The following HSPA14 variants were observed in gnomAD, a reference collection of about 807,000 sequenced individuals.
HSPA14 encodes the protein heat shock 70 kDa protein 14.
HSPA14 carries 37 observed loss-of-function variants against 65.5 expected under a neutral mutation model. The ratio of observed to expected loss-of-function variants is 0.56; its 90% CI spans 0.43 to 0.74. HSPA14 has a LOEUF of 0.74. HSPA14 is among the 30% of genes least tolerant of loss of function. HSPA14 has a pLI of 0.00. For missense variants in HSPA14, 564 were observed against 607.6 expected, an observed-to-expected ratio of 0.93 and a Z score of 0.75; for synonymous variants, 203 against 214.2, an observed-to-expected ratio of 0.95 and a Z score of 0.46.
Position 14,842,789 on chromosome 10 carries a change from G to T in HSPA14, c.221+2632G>T. The T allele has an allele frequency of 6.5e-7, 1 of 1,536,348 alleles. No homozygotes were observed. The highest frequency in any genetic ancestry group is 1.2e-5 in the South Asian group (1 of 84,026). ...TGAGGATTGTCAGCTAAGAATCAGTGACCGGATACGAGAAACCAGTGACCT... is the reference window on the plus strand; with the variant it reads ...TGAGGATTGTCAGCTAAGAATCAGTTACCGGATACGAGAAACCAGTGACCT... On this transcript the variant is annotated intron_variant, in intron 3 of 13. Transcript: ENST00000378372. This position sits in a 1 kb window ranked among gnomAD's most constrained non-coding sequence, Gnocchi z 5.2.
chr10:14,842,730 A>G lies in HSPA14; in HGVS notation c.221+2573A>G. The G allele has an allele frequency of 6.5e-7, 1 of 1,536,590 alleles. No individual in the cohort carries two copies. On this transcript the variant is annotated intron_variant, in intron 3 of 13. Transcript: ENST00000378372. This position sits in a 1 kb window ranked among gnomAD's most constrained non-coding sequence, Gnocchi z 5.2. ...TCAAAAAGGACTCAGGCAGCTGATC[A>G]TCAGCCTATCTTGAAAACAGTTAAG...
At chr10:14,857,943 T>C (rs937784866) in intron 10 of HSPA14, among the ~76,000 whole-genome samples, 2 of 151,972 alleles carry the variant, frequency 1.3e-5, no homozygotes, top group African/African-American at 4.8e-5. Context: ...GGCATTTTGC[T>C]AGGTGTTTGA....
intron 8 of HSPA14, among the ~76,000 whole-genome samples, chr10:14,853,761 C>T (rs1834124960): frequency 6.6e-6 from 1 of 151,966 alleles, no homozygotes; most frequent in South Asian, 2.1e-4. Flanking sequence ...CTCTTGTCGC[C>T]CAGGTTGGAG....
Position 14,842,840 on chromosome 10 carries a change from G to A in HSPA14, c.221+2683G>A. ...TGAGGACTCCTGGGATGAATCCTCG[G>A]GTGCAGGTAACTCCCAAGCATGTGA... On this transcript the variant is annotated intron_variant, in intron 3 of 13. Transcript: ENST00000378372. This position sits in a 1 kb window ranked among gnomAD's most constrained non-coding sequence, Gnocchi z 5.2. 2 of 1,529,188 alleles carry A rather than the reference G, an allele frequency of 1.3e-6. No individual in the cohort carries two copies. Among genetic ancestry groups the A allele is most frequent in the Non-Finnish European group, 1.7e-6 (2 of 1,142,928 alleles). 94.7% of individuals were successfully genotyped at this position (1,529,188 alleles called of 1,614,324 possible). A position where few individuals can be genotyped will look rare whatever the true frequency, so the allele number is the denominator to read the frequency against.
At chr10:14,863,760 G>C (rs1832777389) in intron 10 of HSPA14, among the ~76,000 whole-genome samples, 1 of 152,118 alleles carries the variant, frequency 6.6e-6, no homozygotes, top group Admixed American at 6.5e-5. Context: ...TGCACTCAAA[G>C]AAATAGGGAG....
At chr10:14,854,411 T>C (rs956765986) in intron 9 of HSPA14, 131 bp downstream of exon 9, 7 of 698,114 alleles carry the variant, frequency 1.0e-5, no homozygotes, top group South Asian at 8.1e-5. Context: ...CTTCACTTTA[T>C]TGGGGTCCAG....
At position 14,840,137 on chromosome 10, in the gene HSPA14, A is replaced by T. The variant is rs1833954722; in HGVS notation, c.201A>T (p.Val67=). The change falls in exon 3 of 14, where the codon GTA becomes GTT. Residue 67 remains valine (V), a synonymous_variant. Coordinates refer to ENST00000378372, the MANE Select transcript of HSPA14 (RefSeq NM_016299.4). The part of the protein sequence containing the change: ...IRNISNTVMK[V]KQILGRSSSD... ...ATATTTCAAATACAGTAATGAAAGT[A>T]AAGCAGATCCTGGGCAGAAGGTATG... 8 of 1,469,170 alleles carry T rather than the reference A, an allele frequency of 5.4e-6. No homozygotes were observed. The highest frequency in any genetic ancestry group is 6.4e-6 in the Non-Finnish European group (7 of 1,096,364). The allele number at this position is 1,469,170 out of a possible 1,614,324, so 91.0% of individuals were successfully genotyped here. A position where few individuals can be genotyped will look rare whatever the true frequency, so the allele number is the denominator to read the frequency against.
intron 3 of HSPA14, chr10:14,844,388 T>C (rs1834017870): frequency 1.0e-6 from 1 of 996,792 alleles, no homozygotes; most frequent in Non-Finnish European, 1.2e-6. Context: ...GGATATATAC[T>C]GTGACTTCAT....
intron 3 of HSPA14, among the ~76,000 whole-genome samples, chr10:14,847,614 A>T (rs1056555912): frequency 2.6e-5 from 4 of 152,288 alleles, no homozygotes; most frequent in Admixed American, 2.6e-4. Context: ...TTCTAAGCCA[A>T]ATTAGTCCAT....
In HSPA14 at chr10:14,851,797, G is replaced by A. The variant is rs193152155; in HGVS notation, c.572+474G>A. Among the ~76,000 whole-genome samples, 82 of 152,230 alleles carry A rather than the reference G, an allele frequency of 5.4e-4. 1 individual carries two copies. The highest frequency in any genetic ancestry group is 1.9e-3 in the African/African-American group (79 of 41,548). On this transcript the variant is annotated intron_variant, in intron 7 of 13. Coordinates refer to ENST00000378372, the MANE Select transcript of HSPA14 (RefSeq NM_016299.4). Reference sequence around the variant, plus strand: ...ATATGTCTTAATAGAATGGATAGTCGTTCAACTTTAGAGAAGTTAATTCAG... The same window carrying A: ...ATATGTCTTAATAGAATGGATAGTCATTCAACTTTAGAGAAGTTAATTCAG...
chr10:14,856,962 T>C (rs2131643190), intron 10 of HSPA14, among the ~76,000 whole-genome samples: 1 of 152,318 alleles, frequency 6.6e-6, no homozygotes, highest in South Asian at 2.1e-4. Context: ...GCAGCTGTAT[T>C]TCTAACTTGT....
intron 10 of HSPA14, among the ~76,000 whole-genome samples, chr10:14,858,607 G>A (rs547073599): frequency 2.0e-5 from 3 of 152,270 alleles, no homozygotes; most frequent in African/African-American, 7.2e-5. Flanking sequence ...GATTAGATAG[G>A]TGCATGTCAG....
At position 14,855,684 on chromosome 10, in the gene HSPA14, T is replaced by A. The variant is rs11818612; in HGVS notation, c.891-157T>A. 0.013 allele frequency among the ~76,000 whole-genome samples: 2,047 copies of A among 152,176 alleles called. 56 individuals are homozygous for A. Among genetic ancestry groups the A allele is most frequent in the African/African-American group, 0.047 (1,933 of 41,448 alleles). ...ACTCTTACTTAATACCTTATTCTTATGGTAAACCTGTCATTCAGAGAACTA... is the reference window on the plus strand; with the variant it reads ...ACTCTTACTTAATACCTTATTCTTAAGGTAAACCTGTCATTCAGAGAACTA... On this transcript the variant is annotated intron_variant, in intron 9 of 13. Transcript: ENST00000378372.
At chr10:14,861,483 G>A (rs778195287) in intron 10 of HSPA14, among the ~76,000 whole-genome samples, 3 of 152,014 alleles carry the variant, frequency 2.0e-5, no homozygotes, top group Non-Finnish European at 4.4e-5. Context: ...GTGCCTTTTT[G>A]TATTTTTTGT....
intron 10 of HSPA14, among the ~76,000 whole-genome samples, chr10:14,857,860 T>C (rs1832719258): frequency 6.6e-6 from 1 of 152,206 alleles, no homozygotes; most frequent in African/African-American, 2.4e-5. Context: ...TGCTATGTTG[T>C]GACAAATTTT....
Position 14,871,706 on chromosome 10 carries a change from TAAAC to T in HSPA14, c.*101_*104del, listed in dbSNP as rs1832856148. 1 of 592,000 alleles carries T rather than the reference TAAAC, an allele frequency of 1.7e-6. No individual in the cohort carries two copies. Among genetic ancestry groups the T allele is most frequent in the South Asian group, 2.4e-5 (1 of 42,490 alleles). The allele number at this position is 592,000 out of a possible 1,614,324, so 36.7% of individuals were successfully genotyped here. ...TAAAATACTTTTTCAATGAACTGTA[TAAAC>T]TATGTTTTATTAAACTACAATATAT... On this transcript the variant is annotated 3_prime_UTR_variant, in exon 14 of 14. Transcript: ENST00000378372.
Position 14,867,786 on chromosome 10 carries a change from G to A in HSPA14, c.1257G>A (p.Gly419=), listed in dbSNP as rs376613310. ...GATTCACAGTGCTGTTTCCATCAGG[G>A]ACTCCTTTGCCAGCTCGAAGACAAC... ...ASRFTVLFPS[G]TPLPARRQHT... The change falls in exon 12 of 14, where the codon GGG becomes GGA. Residue 419 remains glycine (G), a synonymous_variant. Coordinates refer to ENST00000378372, the MANE Select transcript of HSPA14 (RefSeq NM_016299.4). 6.2e-7 allele frequency: 1 copy of A among 1,614,088 alleles called. No individual in the cohort carries two copies. The highest frequency in any genetic ancestry group is 1.1e-5 in the South Asian group (1 of 91,080).
chr10:14,867,587 A>G, intron 11 of HSPA14, 149 bp from the exon 12 acceptor site: 1 of 687,770 alleles, frequency 1.5e-6, no homozygotes, highest in Non-Finnish European at 2.5e-6. Flanking sequence ...TTTTAAAGTG[A>G]AGTAGGATTA....
At chr10:14,840,407 G>A (rs552998645) in intron 3 of HSPA14, among the ~76,000 whole-genome samples, 3 of 152,250 alleles carry the variant, frequency 2.0e-5, no homozygotes, top group African/African-American at 7.2e-5. Context: ...GTCAGAGGTG[G>A]TAATTTGGAT....
Sources: gnomAD v4.1 joint callset for allele counts (sites outside exome capture counted in the v4.1 genomes callset) on GRCh38, gnomAD v4.1.1 for gene constraint, Gnocchi (gnomAD v3.1) non-coding constraint, MANE v1.5 for transcripts, NCBI Gene and HGNC (gene_info 2026-07-23, HGNC 2026-07-21) for gene names.